The following CATSPERB variants were observed in gnomAD, a reference collection of about 807,000 sequenced individuals.
The protein encoded by CATSPERB is cation channel sperm-associated auxiliary subunit beta.
CATSPERB carries 93 observed loss-of-function variants against 128.3 expected under a neutral mutation model. That is an observed-to-expected ratio of 0.72 (90% CI 0.61 to 0.86). The LOEUF is 0.86. CATSPERB is among the 40% of genes least tolerant of loss of function. The pLI is 0.00. For missense variants in CATSPERB, 1,153 were observed against 1,329.5 expected, an observed-to-expected ratio of 0.87 and a Z score of 2.06; for synonymous variants, 381 against 448.8, an observed-to-expected ratio of 0.85 and a Z score of 1.91.
rs1032056386 is a variant in CATSPERB at position 91,588,014 on chromosome 14, T to TGCA, written c.3018_3020dup (p.Ala1007dup). ...AGTTGAGACCTGAAGGATTATACAC[T>TGCA]GCAGCACCAAGAATTGGTTCTACTA... On this transcript the variant is annotated inframe_insertion, in exon 25 of 27. Transcript: ENST00000256343. The TGCA allele has an allele frequency of 6.2e-7, 1 of 1,612,610 alleles. No homozygotes were observed. Among genetic ancestry groups the TGCA allele is most frequent in the African/African-American group, 1.3e-5 (1 of 75,018 alleles).
intron 15 of CATSPERB, among the ~76,000 whole-genome samples, chr14:91,639,568 C>T (rs561553881): frequency 6.6e-6 from 1 of 152,036 alleles, no homozygotes; most frequent in Non-Finnish European, 1.5e-5. Context: ...AAATCAGATT[C>T]CTGAAGAGGT....
chr14:91,589,207 A>G (rs1184876030), intron 24 of CATSPERB, among the ~76,000 whole-genome samples: 2 of 152,234 alleles, frequency 1.3e-5, no homozygotes, highest in Non-Finnish European at 2.9e-5. Context: ...GTCACACTGA[A>G]TGGGCAGAGA....
At chr14:91,613,206 C>T (rs2139779417) in intron 20 of CATSPERB, among the ~76,000 whole-genome samples, 2 of 152,070 alleles carry the variant, frequency 1.3e-5, no homozygotes, top group Admixed American at 1.3e-4. Flanking sequence ...TTTTAAAATA[C>T]CTCAGAATAC....
At chr14:91,595,430 G>C (rs1457912952) in intron 22 of CATSPERB, among the ~76,000 whole-genome samples, 1 of 151,920 alleles carries the variant, frequency 6.6e-6, no homozygotes, top group Non-Finnish European at 1.5e-5. Flanking sequence ...GCCTCCCAAG[G>C]TGCTGGGATT....
At chr14:91,699,769 C>T (rs890696066) in intron 7 of CATSPERB, among the ~76,000 whole-genome samples, 1 of 151,934 alleles carries the variant, frequency 6.6e-6, no homozygotes, top group African/African-American at 2.4e-5. Flanking sequence ...GATAGGATTT[C>T]ACCATGTTGG....
Position 91,625,600 on chromosome 14 carries a change from AAAGC to A in CATSPERB, c.1743-597_1743-594del, listed in dbSNP as rs1417451192. ...ATCATATTATAATGTCCAAATGAAG[AAAGC>A]AAGTGGAAAAATGTTAAAATGCATA... On this transcript the variant is annotated intron_variant, in intron 17 of 26. Coordinates refer to ENST00000256343, the MANE Select transcript of CATSPERB (RefSeq NM_024764.4). Among the ~76,000 whole-genome samples, 3 of 152,210 alleles carry A rather than the reference AAAGC, an allele frequency of 2.0e-5. No homozygotes were observed. In the East Asian group the frequency reaches 5.8e-4, roughly 29 times the overall value.
At chr14:91,617,558 C>A (rs1474199793) in intron 20 of CATSPERB, 39 bp downstream of exon 20, 2 of 1,523,936 alleles carry the variant, frequency 1.3e-6, no homozygotes, top group Non-Finnish European at 8.8e-7. Context: ...AAAATTTTTT[C>A]ATCAGTAAGA....
chr14:91,597,750 T>C (rs1893531757), intron 22 of CATSPERB, among the ~76,000 whole-genome samples: 1 of 152,176 alleles, frequency 6.6e-6, no homozygotes, highest in South Asian at 2.1e-4. Flanking sequence ...AATTGGCATC[T>C]TCTATGGGGC....
chr14:91,729,353 T>C (rs1896173199), intron 2 of CATSPERB, 48 bp downstream of exon 2: 2 of 824,886 alleles, frequency 2.4e-6, no homozygotes, highest in Non-Finnish European at 3.7e-6. Flanking sequence ...GAGACACAAA[T>C]AAGAACTCCT....
At position 91,601,936 on chromosome 14, in the gene CATSPERB, C is replaced by T. The variant is rs1398645982; in HGVS notation, c.2709+6358G>A. On this transcript the variant is annotated intron_variant, in intron 22 of 26. Coordinates refer to ENST00000256343, the MANE Select transcript of CATSPERB (RefSeq NM_024764.4). The stretch of plus-strand genomic sequence containing the variant: ...ACCACACTTCACTTCATAGAGTTCA[C>T]ACACATGCATTCTACAGTGATATTT... Among the ~76,000 whole-genome samples the T allele has an allele frequency of 3.9e-5, 6 of 152,198 alleles. No individual in the cohort carries two copies. The East Asian group carries it at 9.7e-4, about 25-fold the overall frequency.
intron 26 of CATSPERB, among the ~76,000 whole-genome samples, chr14:91,581,320 C>T (rs1013620632): frequency 2.0e-5 from 3 of 152,208 alleles, no homozygotes; most frequent in Non-Finnish European, 4.4e-5. Flanking sequence ...CATGTATTAT[C>T]CTATGCCTTT....
At chr14:91,663,991 G>C (rs1644244155) in intron 14 of CATSPERB, among the ~76,000 whole-genome samples, 1 of 152,092 alleles carries the variant, frequency 6.6e-6, no homozygotes, top group Non-Finnish European at 1.5e-5. Context: ...ACCATTCTTA[G>C]TCTTATACAT....
At chr14:91,623,205 A>G (rs149074504) in intron 18 of CATSPERB, among the ~76,000 whole-genome samples, 263 of 152,220 alleles carry the variant, frequency 1.7e-3, no homozygotes, top group African/African-American at 6.1e-3. Context: ...AGGGTTCCCA[A>G]GGACTTTCAC....
intron 10 of CATSPERB, among the ~76,000 whole-genome samples, chr14:91,687,587 G>C (rs1895396726): frequency 6.6e-6 from 1 of 152,102 alleles, no homozygotes; most frequent in East Asian, 1.9e-4. Flanking sequence ...ATAAATTTCT[G>C]TTCTGTATAA....
chr14:91,692,858 A>T (rs1420184627), intron 9 of CATSPERB, among the ~76,000 whole-genome samples: 1 of 152,194 alleles, frequency 6.6e-6, no homozygotes, highest in Non-Finnish European at 1.5e-5. Context: ...GGATCAATCA[A>T]TAGGTAGGTA....
chr14:91,700,879 G>A (rs1045128706), intron 7 of CATSPERB, among the ~76,000 whole-genome samples: 1 of 152,052 alleles, frequency 6.6e-6, no homozygotes, highest in African/African-American at 2.4e-5. Flanking sequence ...TCACTATCTG[G>A]GTGGTGGGCT....
At chr14:91,585,763 G>A (rs1566692936) in intron 26 of CATSPERB, among the ~76,000 whole-genome samples, 1 of 152,192 alleles carries the variant, frequency 6.6e-6, no homozygotes, top group African/African-American at 2.4e-5. Context: ...TTGTATCCTG[G>A]TGAATAATGG....
At chr14:91,647,165 A>G (rs1489549182) in intron 15 of CATSPERB, among the ~76,000 whole-genome samples, 1 of 152,224 alleles carries the variant, frequency 6.6e-6, no homozygotes. Context: ...AACCTCTCAG[A>G]CAGGTTTTTT....
chr14:91,681,864 C>T (rs1895287044), intron 11 of CATSPERB, among the ~76,000 whole-genome samples: 1 of 152,224 alleles, frequency 6.6e-6, no homozygotes, highest in African/African-American at 2.4e-5. Context: ...TCATCCTCAA[C>T]CTGATACCTC....
Sources: gnomAD v4.1 joint callset for allele counts (sites outside exome capture counted in the v4.1 genomes callset) on GRCh38, gnomAD v4.1.1 for gene constraint, MANE v1.5 for transcripts, NCBI Gene and HGNC (gene_info 2026-07-23, HGNC 2026-07-21) for gene names.